The following TANGO6 variants were observed in gnomAD, a reference collection of about 807,000 sequenced individuals.
The protein encoded by TANGO6 is transport and golgi organization 6 homolog.
In TANGO6, 90 loss-of-function variants were observed where a neutral mutation model predicts 114.2. The ratio of observed to expected loss-of-function variants is 0.79; its 90% CI spans 0.66 to 0.94. The LOEUF is 0.94. TANGO6 is among the 40% of genes least tolerant of loss of function. TANGO6 has a pLI of 0.00. For missense variants in TANGO6, 1,274 were observed against 1,315.3 expected (o/e 0.97, Z 0.49); for synonymous variants, 477 against 509.8 (o/e 0.94, Z 0.87).
At chr16:68,973,464 A>G (rs1384277516) in intron 14 of TANGO6, among the ~76,000 whole-genome samples, 1 of 152,080 alleles carries the variant, frequency 6.6e-6, no homozygotes, top group African/African-American at 2.4e-5. Context: ...TGCCACCCCT[A>G]AAAAGGTTGC....
At chr16:69,045,802 A>AGAG (rs1959847604) in intron 17 of TANGO6, among the ~76,000 whole-genome samples, 1 of 151,558 alleles carries the variant, frequency 6.6e-6, no homozygotes, top group Non-Finnish European at 1.5e-5. Context: ...GTGGTGGCTC[A>AGAG]TGCTTGTAAT....
At chr16:68,940,242 G>C (rs911936542) in intron 14 of TANGO6, among the ~76,000 whole-genome samples, 4 of 147,252 alleles carry the variant, frequency 2.7e-5, no homozygotes, top group African/African-American at 7.6e-5. Context: ...TTTCTTGACA[G>C]GGTCTCACTG....
intron 1 of TANGO6, among the ~76,000 whole-genome samples, chr16:68,843,928 T>G (rs1367751980): frequency 6.6e-6 from 1 of 152,206 alleles, no homozygotes; most frequent in African/African-American, 2.4e-5. Context: ...ACTGCTGATA[T>G]TAGCCAACAT....
intron 3 of TANGO6, 128 bp downstream of exon 3, chr16:68,863,189 T>C (rs1188001152): frequency 1.3e-5 from 7 of 534,614 alleles, no homozygotes; most frequent in Non-Finnish European, 2.3e-5. Context: ...TTTCATCTTT[T>C]AGATCATAAA....
chr16:68,851,491 A>T (rs1415791081), intron 1 of TANGO6, among the ~76,000 whole-genome samples: 1 of 152,182 alleles, frequency 6.6e-6, no homozygotes, highest in Non-Finnish European at 1.5e-5. Context: ...TGTCTTAGCA[A>T]TCGGTACATG....
rs1285347311 is a variant in TANGO6 at position 69,083,696 on chromosome 16, G to A, written c.*35G>A. 6 of 1,542,622 alleles carry A rather than the reference G, an allele frequency of 3.9e-6. No homozygotes were observed. In the South Asian group the frequency reaches 6.1e-5, roughly 16 times the overall value. Reference sequence around the variant, plus strand: ...CAAGGACGTGGAGGAGGCAGGCAGGGCCAGGCACCCAGAGCCGTGCCCAGG... The same window carrying A: ...CAAGGACGTGGAGGAGGCAGGCAGGACCAGGCACCCAGAGCCGTGCCCAGG... On this transcript the variant is annotated 3_prime_UTR_variant, in exon 18 of 18. Coordinates refer to ENST00000261778, the MANE Select transcript of TANGO6 (RefSeq NM_024562.2).
intron 9 of TANGO6, among the ~76,000 whole-genome samples, chr16:68,904,917 A>G (rs1265881404): frequency 2.0e-5 from 3 of 151,942 alleles, no homozygotes; most frequent in Admixed American, 1.3e-4. Flanking sequence ...TGGGCAACAT[A>G]GCGAGACTCC....
At chr16:68,973,776 A>G (rs1963733884) in intron 14 of TANGO6, 3 of 495,014 alleles carry the variant, frequency 6.1e-6, no homozygotes, top group Non-Finnish European at 1.1e-5. Context: ...CCTGGATCAT[A>G]GAACGTCAGT....
At chr16:69,040,486 C>A in intron 17 of TANGO6, 65 bp downstream of exon 17, 2 of 1,387,484 alleles carry the variant, frequency 1.4e-6, no homozygotes, top group East Asian at 2.5e-5. Context: ...CTCAATCTTC[C>A]TTTTACCAGG....
chr16:69,056,328 T>C (rs777012881), intron 17 of TANGO6, among the ~76,000 whole-genome samples: 13 of 152,224 alleles, frequency 8.5e-5, no homozygotes, highest in South Asian at 2.1e-4. Flanking sequence ...TTATTTAAAA[T>C]GGCCAAAAGT....
intron 4 of TANGO6, among the ~76,000 whole-genome samples, chr16:68,874,064 C>G (rs146670908): frequency 1.3e-5 from 2 of 152,180 alleles, no homozygotes; most frequent in African/African-American, 2.4e-5. Context: ...GTTGTTCCCC[C>G]CTACTCCTTT....
intron 14 of TANGO6, among the ~76,000 whole-genome samples, chr16:68,945,620 G>A (rs372030847): frequency 6.6e-6 from 1 of 151,976 alleles, no homozygotes; most frequent in East Asian, 1.9e-4. Context: ...TAGTGATGTT[G>A]AAGATCTTTT....
At chr16:68,875,532 C>T (rs928141836) in intron 5 of TANGO6, among the ~76,000 whole-genome samples, 3 of 151,908 alleles carry the variant, frequency 2.0e-5, no homozygotes, top group Non-Finnish European at 4.4e-5. Context: ...TTTGGGAGGC[C>T]GAGGCAGGCG....
rs750359330 is a variant in TANGO6 at position 68,859,875 on chromosome 16, C to T, written c.95-9C>T. The T allele has an allele frequency of 4.5e-6, 7 of 1,538,596 alleles. No homozygotes were observed. The Admixed American group carries it at 8.5e-5, about 19-fold the overall frequency. ...GTGTATAAACTCTCCTTTTTTTCTTCTTCAAAAGGCTCGGGCTCAAGTTCA... is the reference window on the plus strand; with the variant it reads ...GTGTATAAACTCTCCTTTTTTTCTTTTTCAAAAGGCTCGGGCTCAAGTTCA... On this transcript the variant is annotated splice_polypyrimidine_tract_variant and intron_variant, in intron 1 of 17. Transcript: ENST00000261778.
chr16:69,033,040 GC>G (rs1959624904), intron 16 of TANGO6, among the ~76,000 whole-genome samples: 1 of 151,842 alleles, frequency 6.6e-6, no homozygotes, highest in Non-Finnish European at 1.5e-5. Context: ...ACAAAAATTA[GC>G]CCCGTGTGGT....
At chr16:68,957,173 G>GTA (rs1003868079) in intron 14 of TANGO6, among the ~76,000 whole-genome samples, 4 of 151,944 alleles carry the variant, frequency 2.6e-5, no homozygotes, top group Admixed American at 1.3e-4. Context: ...ATGCATGCAT[G>GTA]TATAGCAACA....
chr16:68,875,942 C>T (rs1962349594), intron 5 of TANGO6, among the ~76,000 whole-genome samples: 1 of 152,092 alleles, frequency 6.6e-6, no homozygotes, highest in Non-Finnish European at 1.5e-5. Flanking sequence ...ACATGGCAAA[C>T]AATTTAAAAA....
intron 17 of TANGO6, among the ~76,000 whole-genome samples, chr16:69,046,079 A>T (rs1387602525): frequency 2.0e-5 from 3 of 151,586 alleles, no homozygotes; most frequent in Admixed American, 6.6e-5. Flanking sequence ...AAAAAAAAAA[A>T]AAATTAAAAT....
chr16:68,859,859 C>G, intron 1 of TANGO6, 25 bp from the exon 2 acceptor site: 1 of 1,533,932 alleles, frequency 6.5e-7, no homozygotes, highest in Non-Finnish European at 8.7e-7. Context: ...TGTGTATAAA[C>G]TCTCCTTTTT....
Sources: gnomAD v4.1 joint callset for allele counts (sites outside exome capture counted in the v4.1 genomes callset) on GRCh38, gnomAD v4.1.1 for gene constraint, MANE v1.5 for transcripts, NCBI Gene and HGNC (gene_info 2026-07-23, HGNC 2026-07-21) for gene names.